Variants in CLMN observed in about 807,000 individuals in gnomAD.
CLMN encodes the protein calmin, also known as calmin (calponin-like, transmembrane).
In CLMN, 57 loss-of-function variants were observed where a neutral mutation model predicts 92.7. The observed-to-expected ratio is 0.61, with a 90% CI of 0.50 to 0.77. The LOEUF (loss-of-function observed/expected upper bound fraction) is 0.77, where lower values mean the gene tolerates loss of function less well. CLMN is among the 30% of genes least tolerant of loss of function. The pLI is 0.00. For synonymous variants in CLMN, 466 were observed against 470.6 expected, an observed-to-expected ratio of 0.99 and a Z score of 0.13; for missense variants, 1,158 against 1,237.5, an observed-to-expected ratio of 0.94 and a Z score of 0.96.
chr14:95,265,030 T>G (rs1205770413), intron 1 of CLMN, among the ~76,000 whole-genome samples: 1 of 151,844 alleles, frequency 6.6e-6, no homozygotes, highest in Admixed American at 6.6e-5. Context: ...GAGGACTGTT[T>G]GAGCCCATGA....
intron 1 of CLMN, among the ~76,000 whole-genome samples, chr14:95,292,065 A>G (rs889901890): frequency 3.3e-5 from 5 of 152,218 alleles, no homozygotes; most frequent in Non-Finnish European, 4.4e-5. Flanking sequence ...GCCCGAGAGG[A>G]AGGTCTGACT....
chr14:95,312,625 G>A (rs1901590937), intron 1 of CLMN, among the ~76,000 whole-genome samples: 1 of 152,192 alleles, frequency 6.6e-6, no homozygotes, highest in Admixed American at 6.5e-5. Context: ...CCACGAACCT[G>A]ATTCCAGCCT....
At chr14:95,306,601 G>A (rs1901290054) in intron 1 of CLMN, among the ~76,000 whole-genome samples, 2 of 152,054 alleles carry the variant, frequency 1.3e-5, no homozygotes, top group Non-Finnish European at 2.9e-5. Flanking sequence ...GAGGTATCTA[G>A]AATAGTAAGA....
In CLMN at chr14:95,259,693, C is replaced by G. The variant is rs1899174678; in HGVS notation, c.83-29560G>C. On this transcript the variant is annotated intron_variant, in intron 1 of 12. Coordinates refer to ENST00000298912, the MANE Select transcript of CLMN (RefSeq NM_024734.4). This position sits in a 1 kb window ranked among gnomAD's most constrained non-coding sequence, Gnocchi z 4.3. ...GCACAGGGCAGATACCTGTTCTGAA[C>G]TATGGGCATCTGCTGTTGAGTTCAC... Among the ~76,000 whole-genome samples the G allele has an allele frequency of 1.3e-5, 2 of 152,172 alleles. 1 individual carries two copies. The highest frequency in any genetic ancestry group is 4.1e-4 in the South Asian group (2 of 4,826).
chr14:95,222,326 G>C, intron 3 of CLMN: 1 of 241,668 alleles, frequency 4.1e-6, no homozygotes, highest in Admixed American at 5.1e-5. Context: ...GAAAGAGAAA[G>C]AAAGAGACGT....
intron 1 of CLMN, among the ~76,000 whole-genome samples, chr14:95,318,741 T>C (rs2140811088): frequency 6.6e-6 from 1 of 151,820 alleles, no homozygotes; most frequent in East Asian, 1.9e-4. Flanking sequence ...TCAATGTGGG[T>C]GAAGAAGGGC....
At chr14:95,200,361 T>G (rs1896842657) in intron 9 of CLMN, among the ~76,000 whole-genome samples, 1 of 152,148 alleles carries the variant, frequency 6.6e-6, no homozygotes, top group Non-Finnish European at 1.5e-5. Context: ...GGATTTTCCT[T>G]CTTTTTTTAT....
intron 2 of CLMN, among the ~76,000 whole-genome samples, chr14:95,228,322 T>G (rs1184532345): frequency 6.6e-6 from 1 of 152,226 alleles, no homozygotes; most frequent in Non-Finnish European, 1.5e-5. Flanking sequence ...AAAATAACAC[T>G]TCACTTTAGG....
Position 95,319,754 on chromosome 14 carries a change from C to A in CLMN, c.39G>T (p.Glu13Asp), listed in dbSNP as rs775347160. The A allele has an allele frequency of 3.1e-6, 5 of 1,597,882 alleles. No homozygotes were observed. The South Asian group carries it at 4.4e-5, about 14-fold the overall frequency. ...GGATGTCGCTAATCTGCCCGATGAG[C>A]TCCTCGCGTTGGAACCAGTCCCACT... is the stretch of plus-strand genomic sequence containing the variant. The part of the protein sequence containing the change: ...AHEWDWFQRE[E>D]LIGQISDIRV... The change falls in exon 1 of 13, where the codon GAG becomes GAT. Residue 13 changes from glutamate (E) to aspartate (D), a missense_variant. Glu to Asp is a conservative substitution (Grantham distance 45). Coordinates refer to ENST00000298912, the MANE Select transcript of CLMN (RefSeq NM_024734.4).
Position 95,202,966 on chromosome 14 carries a change from C to T in CLMN, c.2383G>A (p.Asp795Asn), listed in dbSNP as rs753388356. The T allele has an allele frequency of 3.1e-6, 5 of 1,614,042 alleles. No homozygotes were observed. The highest frequency in any genetic ancestry group is 1.1e-5 in the South Asian group (1 of 91,068). Residue 795 changes from aspartate to asparagine, a missense_variant, in exon 9 of 13, where the codon GAC (aspartate) becomes AAC (asparagine). Coordinates refer to ENST00000298912, the MANE Select transcript of CLMN (RefSeq NM_024734.4). ...CCCCTGCTGAGATACAGCACCTGGT[C>T]GCTGGCACTGGGGAGGCTCTCTCCT... ...VPGESLPSAS[D>N]QVLYLSRGGV... is the part of the protein sequence containing the mutation.
chr14:95,205,763 G>A (rs186351467), intron 8 of CLMN, among the ~76,000 whole-genome samples: 6 of 152,118 alleles, frequency 3.9e-5, no homozygotes, highest in African/African-American at 1.4e-4. Context: ...GCTGATGTAT[G>A]TTAAAGATGA....
chr14:95,301,641 G>A (rs115540220), intron 1 of CLMN, among the ~76,000 whole-genome samples: 3,507 of 152,274 alleles, frequency 0.023, 40 homozygotes, highest in African/African-American at 0.034. Flanking sequence ...AGGATGGACC[G>A]GTCACCTTCC....
intron 1 of CLMN, among the ~76,000 whole-genome samples, chr14:95,297,810 GGC>G (rs1900870054): frequency 1.2e-5 from 1 of 83,398 alleles, no homozygotes; most frequent in South Asian, 4.6e-4. Context: ...GAATATGGCA[GGC>G]ACACACACAC....
Position 95,213,202 on chromosome 14 carries a change from G to C in CLMN, c.608+17C>G, listed in dbSNP as rs1384795945. On this transcript the variant is annotated intron_variant, in intron 6 of 12. Transcript: ENST00000298912. ...CTAGTTAAATGAAGTAGTGTGGGGA[G>C]AGGGGCTGCGGCTTACTTTCTCGTT... The C allele has an allele frequency of 4.3e-6, 7 of 1,611,586 alleles. No individual in the cohort carries two copies. The South Asian group carries it at 7.7e-5, about 18-fold the overall frequency.
intron 1 of CLMN, among the ~76,000 whole-genome samples, chr14:95,301,950 C>T (rs961556566): frequency 2.6e-5 from 4 of 152,230 alleles, no homozygotes; most frequent in Admixed American, 6.5e-5. Flanking sequence ...AACAGACTGA[C>T]TAAGTGACCG....
chr14:95,203,368 C>G lies in CLMN; in HGVS notation c.1981G>C (p.Ala661Pro). Reference sequence around the variant, plus strand: ...TGAGGACGGGTGGACTTTCTCTTGGCCTTTTCATGCACCTCTGGCTTTTTA... The same window carrying G: ...TGAGGACGGGTGGACTTTCTCTTGGGCTTTTCATGCACCTCTGGCTTTTTA... Reference protein sequence around the residue: ...VDKKPEVHEKAKRKSTRPHYE... With the variant: ...VDKKPEVHEKPKRKSTRPHYE... The change falls in exon 9 of 13, where the codon GCC (alanine) becomes CCC (proline). Residue 661 changes from alanine (A) to proline (P), a missense_variant. Coordinates refer to ENST00000298912, the MANE Select transcript of CLMN (RefSeq NM_024734.4). The G allele has an allele frequency of 6.2e-7, 1 of 1,614,134 alleles. No individual in the cohort carries two copies. Among genetic ancestry groups the G allele is most frequent in the Non-Finnish European group, 8.5e-7 (1 of 1,180,034 alleles).
In CLMN at chr14:95,244,839, C is replaced by G. The variant is rs560440713; in HGVS notation, c.83-14706G>C. Among the ~76,000 whole-genome samples the G allele has an allele frequency of 8.2e-4, 125 of 151,964 alleles. 1 individual carries two copies. In the South Asian group the frequency reaches 0.015, roughly 18 times the overall value. ...ATGGGGATCACTAACAGATCCCCTT[C>G]CAATGGGGGCTGCTGCAAATATTCA... On this transcript the variant is annotated intron_variant, in intron 1 of 12. Coordinates refer to ENST00000298912, the MANE Select transcript of CLMN (RefSeq NM_024734.4).
At chr14:95,287,299 C>T (rs1468594749) in intron 1 of CLMN, among the ~76,000 whole-genome samples, 1 of 152,242 alleles carries the variant, frequency 6.6e-6, no homozygotes, top group Admixed American at 6.5e-5. Flanking sequence ...CACTTTCTAG[C>T]CCAGCTCCGT....
chr14:95,203,273 G>A lies in CLMN; in HGVS notation c.2076C>T (p.Ser692=). 6.2e-7 allele frequency: 1 copy of A among 1,614,008 alleles called. No individual in the cohort carries two copies. Among genetic ancestry groups the A allele is most frequent in the Non-Finnish European group, 8.5e-7 (1 of 1,180,018 alleles). ...CAAGGGTCTCCAAGCTGACACAGCT[G>A]CTTGGGGGGCTGGAAGATAATTCCT... is the stretch of plus-strand genomic sequence containing the variant. ...VGEELSSSPP[S]SCVSLETLGS... is the part of the protein sequence containing the mutation. Residue 692 remains serine (S), a synonymous_variant, in exon 9 of 13, where the codon AGC becomes AGT. Transcript: ENST00000298912.
Sources: allele counts gnomAD v4.1 joint callset (sites outside exome capture counted in the v4.1 genomes callset), GRCh38; gene constraint gnomAD v4.1.1; non-coding constraint Gnocchi (gnomAD v3.1); transcripts MANE v1.5; gene names NCBI Gene and HGNC (gene_info 2026-07-23, HGNC 2026-07-21).